SETD5: variants seen among roughly 807,000 people sequenced by gnomAD.
SETD5 encodes SET domain containing 5.
SETD5 carries 44 observed loss-of-function variants against 153.3 expected under a neutral mutation model. That is an observed-to-expected ratio of 0.29 (90% CI 0.23 to 0.37). SETD5 has a LOEUF of 0.37. Ranked by LOEUF, SETD5 falls within the 10% of genes least tolerant of loss-of-function variation. The pLI, the probability that SETD5 is intolerant of heterozygous loss-of-function variation, is 1.00. For missense variants in SETD5, 1,544 were observed against 1,768.0 expected (o/e 0.87, Z 2.27); for synonymous variants, 716 against 645.2 (o/e 1.11, Z -1.66).
In SETD5 at chr3:9,464,686, G is replaced by A. The variant is rs759096043; in HGVS notation, c.2724+14G>A. On this transcript the variant is annotated intron_variant, in intron 18 of 22. Transcript: ENST00000402198. ...CTACAGTTTGAGGTGATTTGGGTTT[G>A]GTTGCTGGGAGTGCTGGATATGAAA... 1.2e-6 allele frequency: 2 copies of A among 1,613,948 alleles called. No homozygotes were observed. Among genetic ancestry groups the A allele is most frequent in the Non-Finnish European group, 1.7e-6 (2 of 1,179,880 alleles).
rs985209105 is a variant in SETD5 at position 9,476,193 on chromosome 3, A to C, written c.*102A>C. On this transcript the variant is annotated 3_prime_UTR_variant, in exon 23 of 23. Transcript: ENST00000402198. ...AGCATATTGCTGAGGAACGGGGGGT[A>C]CAAGGTGCCAGAGGATTGGGTCTGG... The C allele has an allele frequency of 5.5e-6, 8 of 1,441,548 alleles. No homozygotes were observed. The highest frequency in any genetic ancestry group is 6.5e-6 in the Non-Finnish European group (7 of 1,085,110). The allele number at this position is 1,441,548 out of a possible 1,614,324, so 89.3% of individuals were successfully genotyped here.
chr3:9,453,185 G>T (rs561474244), intron 16 of SETD5, among the ~76,000 whole-genome samples: 6 of 152,178 alleles, frequency 3.9e-5, no homozygotes, highest in South Asian at 2.1e-4. Context: ...CTTGTTGGAG[G>T]GGGGAGTCCC....
chr3:9,422,849 C>T (rs934672489), intron 1 of SETD5, among the ~76,000 whole-genome samples: 1 of 152,176 alleles, frequency 6.6e-6, no homozygotes, highest in Non-Finnish European at 1.5e-5. Flanking sequence ...GGCAGCAGAT[C>T]TTGTTCATCA....
Position 9,448,512 on chromosome 3 carries a change from T to C in SETD5, c.2228T>C (p.Ile743Thr), listed in dbSNP as rs2042267954. 4 of 1,613,872 alleles carry C rather than the reference T, an allele frequency of 2.5e-6. No individual in the cohort carries two copies. The highest frequency in any genetic ancestry group is 1.7e-5 in the Admixed American group (1 of 59,996). ...ACCCTAAACATGTTACCAGGTCTTA[T>C]CCATTCCCCGTTAATTTGCACCACC... ...ATTLNMLPGLIHSPLICTTPK... is the reference protein window; with the variant it reads ...ATTLNMLPGLTHSPLICTTPK... The change falls in exon 16 of 23, where the codon ATC becomes ACC. Residue 743 changes from isoleucine (I) to threonine (T), a missense_variant. Physicochemically the swap from Ile to Thr is moderately conservative, Grantham distance 89. Coordinates refer to ENST00000402198, the MANE Select transcript of SETD5 (RefSeq NM_001080517.3).
In SETD5 at chr3:9,448,554, G is replaced by A. The variant is rs530225114; in HGVS notation, c.2270G>A (p.Arg757His). ...TGCACCACCCCCAAACACTACATTC[G>A]CTTTGGCTCACCCTTTATCCCTGAG... ...LICTTPKHYI[R>H]FGSPFIPERR... is the part of the protein sequence containing the mutation. The change falls in exon 16 of 23, where the codon CGC (arginine) becomes CAC (histidine). Residue 757 changes from arginine (R) to histidine (H), a missense_variant. This residue lies in a region of SETD5 where 782 missense variants were observed against 787.2 expected (regional missense o/e 0.99). Coordinates refer to ENST00000402198, the MANE Select transcript of SETD5 (RefSeq NM_001080517.3). The A allele has an allele frequency of 3.7e-6, 6 of 1,613,722 alleles. No homozygotes were observed. The highest frequency in any genetic ancestry group is 1.1e-5 in the South Asian group (1 of 91,060).
At chr3:9,409,647 G>T (rs2036245919) in intron 1 of SETD5, among the ~76,000 whole-genome samples, 1 of 152,112 alleles carries the variant, frequency 6.6e-6, no homozygotes, top group Non-Finnish European at 1.5e-5. Flanking sequence ...TTCTTTTAAT[G>T]AAAAATGGTA....
chr3:9,429,686 A>G (rs2039746923), intron 3 of SETD5: 1 of 349,906 alleles, frequency 2.9e-6, no homozygotes, highest in Non-Finnish European at 5.2e-6. Flanking sequence ...TCATTATACA[A>G]CTTTATATAT....
At chr3:9,443,991 G>A (rs1036626434) in intron 11 of SETD5, among the ~76,000 whole-genome samples, 3 of 152,222 alleles carry the variant, frequency 2.0e-5, no homozygotes, top group Non-Finnish European at 4.4e-5. Context: ...GAACCTGAGA[G>A]GCTGAGGCTG....
intron 1 of SETD5, among the ~76,000 whole-genome samples, chr3:9,422,080 C>T (rs2038494447): frequency 6.6e-6 from 1 of 151,912 alleles, no homozygotes; most frequent in Non-Finnish European, 1.5e-5. Flanking sequence ...TGTGAAAAAC[C>T]TGATACCAAA....
At chr3:9,475,008 C>G (rs1351965301) in intron 21 of SETD5, 60 bp from the exon 22 acceptor site, 1 of 1,439,274 alleles carries the variant, frequency 6.9e-7, no homozygotes, top group African/African-American at 1.4e-5. Flanking sequence ...TGAAAAATGG[C>G]TCTTTCTTAC....
chr3:9,464,809 G>C, intron 18 of SETD5, 137 bp downstream of exon 18: 1 of 1,395,988 alleles, frequency 7.2e-7, no homozygotes, highest in Non-Finnish European at 9.8e-7. Context: ...GGAAACCTCA[G>C]GGTCATTGTG....
At chr3:9,449,738 A>G (rs1464214827) in intron 16 of SETD5, 1 of 152,224 alleles carries the variant, frequency 6.6e-6, no homozygotes, top group African/African-American at 2.4e-5. Context: ...AATCTGCAAA[A>G]AGGAAGGACA....
chr3:9,467,278 T>G (rs2044721061), intron 18 of SETD5, among the ~76,000 whole-genome samples: 1 of 150,144 alleles, frequency 6.7e-6, no homozygotes, highest in Non-Finnish European at 1.5e-5. Context: ...AAAAAAGCAT[T>G]CAGGAAAATG....
At chr3:9,429,876 G>T in intron 3 of SETD5, 1 of 1,303,952 alleles carries the variant, frequency 7.7e-7, no homozygotes, top group Non-Finnish European at 1.0e-6. Flanking sequence ...CACTACACCA[G>T]GATGTGAAAG....
At chr3:9,465,667 C>A (rs1302302527) in intron 18 of SETD5, among the ~76,000 whole-genome samples, 1 of 152,172 alleles carries the variant, frequency 6.6e-6, no homozygotes, top group Non-Finnish European at 1.5e-5. Flanking sequence ...ACATTGAAAG[C>A]AGAACTGTAT....
At chr3:9,429,771 C>T (rs2125052792) in intron 3 of SETD5, 1 of 1,174,254 alleles carries the variant, frequency 8.5e-7, no homozygotes, top group African/African-American at 1.6e-5. Flanking sequence ...CCCCTGCTCA[C>T]AGATTCCCCC....
intron 3 of SETD5, 23 bp from the exon 4 acceptor site, chr3:9,433,822 C>G: frequency 1.2e-6 from 2 of 1,605,442 alleles, no homozygotes; most frequent in South Asian, 2.2e-5. Flanking sequence ...TGCTATCATG[C>G]ATTGCTTTTC....
chr3:9,459,628 A>G (rs984506819), intron 17 of SETD5, among the ~76,000 whole-genome samples: 15 of 148,984 alleles, frequency 1.0e-4, no homozygotes, highest in African/African-American at 3.7e-4. Context: ...AACAACAACA[A>G]AAAAAAAAAC....
rs761827405 is a variant in SETD5, at chr3:9,423,941, T to G, written c.-176-526T>G. Among the ~76,000 whole-genome samples, 11 of 152,326 alleles carry G rather than the reference T, an allele frequency of 7.2e-5. No homozygotes were observed. In the East Asian group the frequency reaches 1.5e-3, roughly 21 times the overall value. On this transcript the variant is annotated intron_variant, in intron 1 of 22. Transcript: ENST00000402198. ...CCATTTGACCGCAAATAGAACTGAC[T>G]CCTTTTTATCACTCTTTTTTATAGT...
Sources: allele counts gnomAD v4.1 joint callset (sites outside exome capture counted in the v4.1 genomes callset), GRCh38; gene constraint gnomAD v4.1.1; regional missense constraint gnomAD v4.1.1; transcripts MANE v1.5; gene names NCBI Gene and HGNC (gene_info 2026-07-23, HGNC 2026-07-21).